Variants in DLGAP1 observed in about 807,000 individuals in gnomAD.
DLGAP1 encodes disks large-associated protein 1.
In DLGAP1, 11 loss-of-function variants were observed where a neutral mutation model predicts 90.8. The observed-to-expected ratio is 0.12, with a 90% CI of 0.08 to 0.20. The LOEUF is 0.20. Ranked by LOEUF, DLGAP1 falls within the 10% of genes least tolerant of loss-of-function variation. The pLI is 1.00. For synonymous variants in DLGAP1, 558 were observed against 540.7 expected (o/e 1.03, Z -0.44); for missense variants, 1,050 against 1,333.8 (o/e 0.79, Z 3.31).
chr18:3,639,139 T>G (rs2058830577), intron 7 of DLGAP1, among the ~76,000 whole-genome samples: 1 of 152,128 alleles, frequency 6.6e-6, no homozygotes. Flanking sequence ...GTGGATCATT[T>G]GAGGTCAGGA....
intron 3 of DLGAP1, among the ~76,000 whole-genome samples, chr18:3,955,168 T>C (rs1368157595): frequency 1.3e-5 from 2 of 152,076 alleles, no homozygotes; most frequent in African/African-American, 2.4e-5. Flanking sequence ...CTGGAAAAAC[T>C]CAGAGTTTAT....
intron 7 of DLGAP1, among the ~76,000 whole-genome samples, chr18:3,675,685 C>T (rs2077009442): frequency 6.6e-6 from 1 of 152,246 alleles, no homozygotes; most frequent in African/African-American, 2.4e-5. Context: ...CCACCTCCAT[C>T]TGACCCACTC....
intron 1 of DLGAP1, among the ~76,000 whole-genome samples, chr18:4,348,267 A>G (rs1362669299): frequency 2.6e-5 from 4 of 152,122 alleles, no homozygotes; most frequent in African/African-American, 4.8e-5. Context: ...AAGTTTCTCA[A>G]TGTTAAAAAG....
At chr18:3,883,526 A>G (rs2148836800) in intron 3 of DLGAP1, among the ~76,000 whole-genome samples, 1 of 152,368 alleles carries the variant, frequency 6.6e-6, no homozygotes, top group African/African-American at 2.4e-5. Flanking sequence ...TGACGTCCTT[A>G]AGGGTAGGGA....
Position 3,741,094 on chromosome 18 carries a change from C to CCACCACCATCACCAT in DLGAP1, c.1350+1226_1350+1240dup, listed in dbSNP as rs2062941819. On this transcript the variant is annotated intron_variant, in intron 6 of 12. Transcript: ENST00000315677. Reference sequence around the variant, plus strand: ...ACCACCACCACCATCACCATCACCACCACCACCATCACCATCACCACCACC... The same window carrying CCACCACCATCACCAT: ...ACCACCACCACCATCACCATCACCACCACCACCATCACCATCACCACCATCACCATCACCACCACC... 4.7e-4 allele frequency among the ~76,000 whole-genome samples: 54 copies of CCACCACCATCACCAT among 115,380 alleles called. 1 individual carries two copies. The highest frequency in any genetic ancestry group is 7.8e-4 in the Non-Finnish European group (40 of 51,490). The allele number at this position is 115,380 out of a possible 152,430, so 75.7% of individuals were successfully genotyped here.
chr18:3,955,021 C>T (rs906140535), intron 3 of DLGAP1, among the ~76,000 whole-genome samples: 7 of 152,230 alleles, frequency 4.6e-5, no homozygotes, highest in East Asian at 1.9e-4. Context: ...CCTGGGGATC[C>T]GCAGAGGATC....
chr18:3,914,513 A>C (rs2072102119), intron 3 of DLGAP1, among the ~76,000 whole-genome samples: 2 of 152,222 alleles, frequency 1.3e-5, no homozygotes. Context: ...CACGGGGTGC[A>C]GCTCTCCCTT....
intron 7 of DLGAP1, among the ~76,000 whole-genome samples, chr18:3,609,127 C>T (rs1411942363): frequency 6.6e-6 from 1 of 151,086 alleles, no homozygotes; most frequent in African/African-American, 2.4e-5. Flanking sequence ...CTGCACCCAG[C>T]CTGATCTGTA....
intron 9 of DLGAP1, among the ~76,000 whole-genome samples, chr18:3,541,906 G>GAA (rs11339725): frequency 2.8e-5 from 4 of 145,188 alleles, no homozygotes; most frequent in Non-Finnish European, 4.6e-5. Context: ...AATATTGGTG[G>GAA]AAAAAAAAAA....
At chr18:4,304,439 T>C (rs2080200293) in intron 1 of DLGAP1, among the ~76,000 whole-genome samples, 1 of 152,230 alleles carries the variant, frequency 6.6e-6, no homozygotes. Flanking sequence ...TTTGCAGTTG[T>C]TAGTATTATA....
intron 2 of DLGAP1, among the ~76,000 whole-genome samples, chr18:4,131,693 A>C (rs1232301885): frequency 6.6e-6 from 1 of 152,196 alleles, no homozygotes; most frequent in East Asian, 1.9e-4. Flanking sequence ...AAACGTGGGC[A>C]AGAGAAAGAG....
chr18:3,587,108 G>A (rs1360879926), intron 7 of DLGAP1, among the ~76,000 whole-genome samples: 3 of 152,200 alleles, frequency 2.0e-5, no homozygotes, highest in Non-Finnish European at 4.4e-5. Flanking sequence ...TCGCCCAGGT[G>A]CAATGGTGCA....
chr18:3,851,899 C>T lies in DLGAP1; in HGVS notation c.957+27213G>A, dbSNP rs565407398. ...AGAAGAAAACAGGAGGTTACTGGTACACTGCTGGAGGATGTCAAATGGGAA... is the reference window on the plus strand; with the variant it reads ...AGAAGAAAACAGGAGGTTACTGGTATACTGCTGGAGGATGTCAAATGGGAA... On this transcript the variant is annotated intron_variant, in intron 4 of 12. Transcript: ENST00000315677. Among the ~76,000 whole-genome samples, 42 of 152,058 alleles carry T rather than the reference C, an allele frequency of 2.8e-4. No individual in the cohort carries two copies. The South Asian group carries it at 7.9e-3, about 29-fold the overall frequency.
At chr18:3,507,647 C>T (rs143466329) in intron 11 of DLGAP1, among the ~76,000 whole-genome samples, 202 of 151,828 alleles carry the variant, frequency 1.3e-3, no homozygotes, top group Non-Finnish European at 2.6e-3. Flanking sequence ...ATTGTCTTCA[C>T]TTGCCAAAAG....
intron 12 of DLGAP1, chr18:3,502,027 A>G (rs1320468901): frequency 2.5e-6 from 1 of 404,682 alleles, no homozygotes; most frequent in Non-Finnish European, 3.3e-6. Context: ...GACTTGAACA[A>G]CAGTAATTTC....
At chr18:4,257,339 T>TA (rs2078909310) in intron 1 of DLGAP1, among the ~76,000 whole-genome samples, 1 of 152,098 alleles carries the variant, frequency 6.6e-6, no homozygotes, top group Non-Finnish European at 1.5e-5. Flanking sequence ...GAAGGGAAAA[T>TA]AGAGTCTGAT....
chr18:3,845,211 C>T (rs1226062327), intron 4 of DLGAP1: 11 of 1,610,934 alleles, frequency 6.8e-6, no homozygotes, highest in Admixed American at 1.7e-5. Context: ...TTTCCATAGC[C>T]CAGAATTGCT....
chr18:4,058,859 ATGGGAAATTG>A (rs2075261095), intron 2 of DLGAP1, among the ~76,000 whole-genome samples: 1 of 152,224 alleles, frequency 6.6e-6, no homozygotes, highest in African/African-American at 2.4e-5. Context: ...CTTAAAGAAC[ATGGGAAATTG>A]GGAATCTGAG....
intron 10 of DLGAP1, among the ~76,000 whole-genome samples, chr18:3,524,852 C>A (rs1410492424): frequency 1.3e-5 from 2 of 152,218 alleles, no homozygotes; most frequent in Non-Finnish European, 2.9e-5. Flanking sequence ...AACCTACTGC[C>A]CAGCAGCTGC....
Sources: gnomAD v4.1 joint callset for allele counts (sites outside exome capture counted in the v4.1 genomes callset) on GRCh38, gnomAD v4.1.1 for gene constraint, MANE v1.5 for transcripts, NCBI Gene and HGNC (gene_info 2026-07-23, HGNC 2026-07-21) for gene names.